SCGB2B2: variants seen among roughly 807,000 people sequenced by gnomAD.
The protein encoded by SCGB2B2 is secretoglobin family 2B member 2, also known as secretoglobin-like protein.
SCGB2B2 carries 11 observed loss-of-function variants against 7.6 expected under a neutral mutation model. The ratio of observed to expected loss-of-function variants is 1.45; its 90% CI spans 0.91 to 2.40. The LOEUF (loss-of-function observed/expected upper bound fraction) is 2.40, where lower values mean the gene tolerates loss of function less well. Among genes scored for constraint, SCGB2B2 ranks in the 30% most tolerant of loss-of-function variants. The pLI, the probability that SCGB2B2 is intolerant of heterozygous loss-of-function variation, is 0.00. For missense variants in SCGB2B2, 104 were observed against 115.4 expected (o/e 0.90, Z 0.45); for synonymous variants, 50 against 48.6 (o/e 1.03, Z -0.12).
downstream of SCGB2B2, among the ~76,000 whole-genome samples, chr19:34,588,810 AG>A (rs778235805): frequency 4.0e-5 from 6 of 151,868 alleles, no homozygotes; most frequent in Non-Finnish European, 8.8e-5. Context: ...CGATGGATGG[AG>A]GAGAAGGAAA....
intron 1 of SCGB2B2, among the ~76,000 whole-genome samples, chr19:34,661,621 T>C (rs552665908): frequency 5.9e-5 from 9 of 152,200 alleles, no homozygotes; most frequent in Admixed American, 3.9e-4. Flanking sequence ...CGACATGAAA[T>C]AGGGAACCCA....
chr19:34,668,863 T>C (rs868104350), intron 1 of SCGB2B2, among the ~76,000 whole-genome samples: 1 of 152,092 alleles, frequency 6.6e-6, no homozygotes, highest in African/African-American at 2.4e-5. Context: ...AACAGACGGC[T>C]CGGCTCTCTG....
rs1254214920 is a variant in SCGB2B2 at position 34,625,812 on chromosome 19, G to C, written c.-2031-29218C>G. Among the ~76,000 whole-genome samples the C allele has an allele frequency of 5.9e-5, 9 of 152,194 alleles. No homozygotes were observed. In the East Asian group the frequency reaches 1.5e-3, roughly 26 times the overall value. On this transcript the variant is annotated intron_variant, in intron 1 of 3. Coordinates refer to ENST00000601241, the MANE Select transcript of SCGB2B2 (RefSeq NM_001025591.4). ...ACAGCTTGAGATCTGAGAACGGACA[G>C]ACTGCCTCCTCAAGTGGGTCCCTGA... is the stretch of plus-strand genomic sequence containing the variant.
chr19:34,590,214 T>C (rs2065265155), downstream of SCGB2B2, among the ~76,000 whole-genome samples: 1 of 152,048 alleles, frequency 6.6e-6, no homozygotes, highest in African/African-American at 2.4e-5. Flanking sequence ...GGGTATGGTT[T>C]CCACCTCCAA....
intron 1 of SCGB2B2, among the ~76,000 whole-genome samples, chr19:34,668,510 C>T (rs552509844): frequency 3.4e-4 from 52 of 152,318 alleles, no homozygotes; most frequent in Non-Finnish European, 6.2e-4. Context: ...CCATCGACCA[C>T]CCAAGGGCTG....
intron 1 of SCGB2B2, among the ~76,000 whole-genome samples, chr19:34,641,877 G>T (rs1398490948): frequency 6.6e-6 from 1 of 152,130 alleles, no homozygotes; most frequent in Non-Finnish European, 1.5e-5. Context: ...ATTAGCTAAA[G>T]GTCTTCATTC....
rs191914935 is a variant in SCGB2B2 at position 34,591,855 on chromosome 19, G to A, written c.*1700C>T. 6.6e-6 allele frequency among the ~76,000 whole-genome samples: 1 copy of A among 152,328 alleles called. No homozygotes were observed. The highest frequency in any genetic ancestry group is 1.9e-4 in the East Asian group (1 of 5,186). Reference sequence around the variant, plus strand: ...TCCCGCCTGATCACATTTCCCTGTTGGGTGGTCCTTGTGGTTCTCATCACT... The same window carrying A: ...TCCCGCCTGATCACATTTCCCTGTTAGGTGGTCCTTGTGGTTCTCATCACT... On this transcript the variant is annotated 3_prime_UTR_variant, in exon 4 of 4. Transcript: ENST00000601241.
intron 1 of SCGB2B2, among the ~76,000 whole-genome samples, chr19:34,613,361 A>G (rs1270268): frequency 0.38 from 58,425 of 152,074 alleles, 11,742 homozygotes; most frequent in African/African-American, 0.5. Context: ...GGCCTCCCAA[A>G]GTGCTGGGAT....
chr19:34,654,633 T>C (rs1409295466), intron 1 of SCGB2B2, among the ~76,000 whole-genome samples: 1 of 151,024 alleles, frequency 6.6e-6, no homozygotes, highest in Non-Finnish European at 1.5e-5. Flanking sequence ...GGTTTTTTTG[T>C]ATGTCTAACA....
chr19:34,615,611 T>G (rs1334680352), intron 1 of SCGB2B2, among the ~76,000 whole-genome samples: 5 of 152,192 alleles, frequency 3.3e-5, no homozygotes, highest in Non-Finnish European at 7.3e-5. Context: ...TCTGCCATGT[T>G]GCTGATGTTA....
chr19:34,641,613 A>C, intron 1 of SCGB2B2, among the ~76,000 whole-genome samples: 1 of 150,664 alleles, frequency 6.6e-6, no homozygotes, highest in East Asian at 1.9e-4. Flanking sequence ...ACTTCTCTTT[A>C]TGCTCAAAGA....
intron 1 of SCGB2B2, among the ~76,000 whole-genome samples, chr19:34,644,329 C>G (rs1039355192): frequency 6.6e-6 from 1 of 151,100 alleles, no homozygotes; most frequent in African/African-American, 2.4e-5. Context: ...CCACCTTGCC[C>G]AGCCCCAGCC....
intron 1 of SCGB2B2, among the ~76,000 whole-genome samples, chr19:34,651,512 G>A (rs763304204): frequency 2.0e-5 from 3 of 150,888 alleles, no homozygotes; most frequent in Admixed American, 1.3e-4. Flanking sequence ...AAGAAATCGA[G>A]AAAGCAATCT....
At chr19:34,623,967 A>G (rs1366139137) in intron 1 of SCGB2B2, among the ~76,000 whole-genome samples, 1 of 152,160 alleles carries the variant, frequency 6.6e-6, no homozygotes. Context: ...CTGCCTACAA[A>G]TAGGGCATGA....
At chr19:34,640,207 T>TC (rs912050482) in intron 1 of SCGB2B2, among the ~76,000 whole-genome samples, 27 of 151,486 alleles carry the variant, frequency 1.8e-4, no homozygotes, top group African/African-American at 4.9e-4. Flanking sequence ...ACTCAAGGGA[T>TC]CCCCCCACCT....
Position 34,665,377 on chromosome 19 carries a change from C to T in SCGB2B2, c.-2032+10253G>A, listed in dbSNP as rs532791952. Among the ~76,000 whole-genome samples, 311 of 152,286 alleles carry T rather than the reference C, an allele frequency of 2.0e-3. 1 individual carries two copies. Among genetic ancestry groups the T allele is most frequent in the Non-Finnish European group, 3.1e-3 (214 of 68,012 alleles). ...GGCTGAGGTGGCTCAAAGTGGTGCA[C>T]GGGAGATGTCTGATATCAACCCTCT... On this transcript the variant is annotated intron_variant, in intron 1 of 3. Coordinates refer to ENST00000601241, the MANE Select transcript of SCGB2B2 (RefSeq NM_001025591.4).
At chr19:34,631,950 A>G (rs1021047793) in intron 1 of SCGB2B2, 1 of 152,190 alleles carries the variant, frequency 6.6e-6, no homozygotes, top group Non-Finnish European at 1.5e-5. Context: ...GAAGTGCAGA[A>G]ATAGACCAAC....
chr19:34,606,016 AT>A (rs2065766111), intron 1 of SCGB2B2, among the ~76,000 whole-genome samples: 1 of 151,790 alleles, frequency 6.6e-6, no homozygotes, highest in South Asian at 2.1e-4. Context: ...CTGTGTCAAT[AT>A]ATTTAATGTA....
At position 34,594,652 on chromosome 19, in the gene SCGB2B2, CGTGTGTGTGTGTGTGTGTGT is replaced by C. The variant is rs3055684; in HGVS notation, c.-109_-90del. ...TATCTGAACAAGGCACATGCCTCTT[CGTGTGTGTGTGTGTGTGTGT>C]GTGTGTGTGTGTGTGTGTGTGTGTG... On this transcript the variant is annotated 5_prime_UTR_variant, in exon 2 of 4. It removes the in-frame stop codon of an upstream open reading frame in the 5' UTR. Transcript: ENST00000601241. 976 of 658,874 alleles carry C rather than the reference CGTGTGTGTGTGTGTGTGTGT, an allele frequency of 1.5e-3. 5 individuals are homozygous for C. The highest frequency in any genetic ancestry group is 0.01 in the African/African-American group (529 of 52,534). 40.8% of individuals were successfully genotyped at this position (658,874 alleles called of 1,614,324 possible). A position where few individuals can be genotyped will look rare whatever the true frequency, so the allele number is the denominator to read the frequency against.
Sources: gnomAD v4.1 joint callset for allele counts (sites outside exome capture counted in the v4.1 genomes callset) on GRCh38, gnomAD v4.1.1 for gene constraint, MANE v1.5 for transcripts, NCBI Gene and HGNC (gene_info 2026-07-23, HGNC 2026-07-21) for gene names.